Variants in NGEF observed in about 807,000 individuals in gnomAD.
The protein encoded by NGEF is ephexin-1.
NGEF carries 31 observed loss-of-function variants against 80.9 expected under a neutral mutation model. The ratio of observed to expected loss-of-function variants is 0.38; its 90% confidence interval spans 0.29 to 0.52. NGEF has a LOEUF of 0.52. Among genes scored for constraint, NGEF ranks in the 20% least tolerant of loss-of-function variants. The probability of loss-of-function intolerance (pLI) is 0.84; values close to 1 mark genes in which losing one functional copy is unlikely to be tolerated. For synonymous variants in NGEF, 371 were observed against 370.2 expected, an observed-to-expected ratio of 1.00 and a Z score of -0.03; for missense variants, 709 against 926.2, an observed-to-expected ratio of 0.77 and a Z score of 3.04.
At chr2:232,990,573 T>C (rs180714876) in intron 1 of NGEF, among the ~76,000 whole-genome samples, 251 of 152,208 alleles carry the variant, frequency 1.6e-3, no homozygotes, top group African/African-American at 5.7e-3. Flanking sequence ...TTGAGCAATA[T>C]AGATAATAAA....
intron 3 of NGEF, among the ~76,000 whole-genome samples, chr2:232,940,967 A>C (rs2106296581): frequency 6.6e-6 from 1 of 152,348 alleles, no homozygotes; most frequent in East Asian, 1.9e-4. Context: ...ATAGAGAAAG[A>C]GTAATTCACG....
At chr2:232,917,563 G>A (rs988094793) in intron 5 of NGEF, among the ~76,000 whole-genome samples, 19 of 151,576 alleles carry the variant, frequency 1.3e-4, no homozygotes, top group Non-Finnish European at 1.8e-4. Context: ...TCTGCCTCCC[G>A]GGTTCAAGTG....
At chr2:232,900,984 C>A (rs1692336554) in intron 5 of NGEF, among the ~76,000 whole-genome samples, 1 of 152,260 alleles carries the variant, frequency 6.6e-6, no homozygotes, top group Non-Finnish European at 1.5e-5. Context: ...GGGCCGCCTA[C>A]ACCACCCTGT....
intron 5 of NGEF, among the ~76,000 whole-genome samples, chr2:232,915,152 A>T (rs1249999843): frequency 6.6e-6 from 1 of 152,060 alleles, no homozygotes; most frequent in African/African-American, 2.4e-5. Flanking sequence ...TGGGTGCCAC[A>T]TCTTTCCTGT....
chr2:232,925,244 G>A (rs1693035248), intron 4 of NGEF, among the ~76,000 whole-genome samples: 1 of 152,186 alleles, frequency 6.6e-6, no homozygotes, highest in African/African-American at 2.4e-5. Flanking sequence ...ACTTGGCAAA[G>A]AATTGCTGAA....
chr2:232,882,058 C>T, intron 13 of NGEF, 128 bp downstream of exon 13: 1 of 777,708 alleles, frequency 1.3e-6, no homozygotes, highest in Non-Finnish European at 2.1e-6. Context: ...CCCTGGAGGC[C>T]CGTGCAGGCC....
intron 5 of NGEF, among the ~76,000 whole-genome samples, chr2:232,911,141 G>A (rs1692683878): frequency 6.6e-6 from 1 of 152,134 alleles, no homozygotes. Context: ...TTTACATTTA[G>A]ATCCATGATC....
At chr2:232,944,759 A>C (rs1001451643) in intron 3 of NGEF, among the ~76,000 whole-genome samples, 13 of 129,408 alleles carry the variant, frequency 1.0e-4, no homozygotes, top group Admixed American at 7.9e-4. Context: ...ATATATATAT[A>C]TATCTTTTTG....
intron 3 of NGEF, among the ~76,000 whole-genome samples, chr2:232,940,294 C>A (rs1167440204): frequency 1.3e-5 from 2 of 152,218 alleles, no homozygotes; most frequent in African/African-American, 4.8e-5. Context: ...AAAAGCATAT[C>A]AGAAACACAG....
chr2:232,898,748 G>A (rs1692174435), intron 5 of NGEF, among the ~76,000 whole-genome samples: 1 of 152,242 alleles, frequency 6.6e-6, no homozygotes, highest in African/African-American at 2.4e-5. Flanking sequence ...TGGGCACTCG[G>A]CTGTGAACAC....
chr2:232,978,067 C>T (rs539885972), intron 1 of NGEF, among the ~76,000 whole-genome samples: 145 of 151,966 alleles, frequency 9.5e-4, no homozygotes, highest in African/African-American at 3.1e-3. Context: ...GACAGAAATC[C>T]CTAACCGACA....
At chr2:232,985,543 C>G (rs1397656177) in intron 1 of NGEF, among the ~76,000 whole-genome samples, 2 of 151,320 alleles carry the variant, frequency 1.3e-5, no homozygotes, top group Non-Finnish European at 3.0e-5. Flanking sequence ...ACGAGGTCAG[C>G]AGATCGAGAC....
At chr2:232,990,106 A>T (rs1694621647) in intron 1 of NGEF, among the ~76,000 whole-genome samples, 1 of 152,206 alleles carries the variant, frequency 6.6e-6, no homozygotes, top group African/African-American at 2.4e-5. Flanking sequence ...TATCAGGAAG[A>T]AAGCTAAAGT....
chr2:232,913,647 G>T (rs924679811), intron 5 of NGEF, among the ~76,000 whole-genome samples: 1 of 152,100 alleles, frequency 6.6e-6, no homozygotes, highest in Non-Finnish European at 1.5e-5. Context: ...GTAGCCGGGC[G>T]CGGTGACTCA....
intron 4 of NGEF, among the ~76,000 whole-genome samples, chr2:232,925,638 C>T (rs778838805): frequency 2.6e-5 from 4 of 152,162 alleles, no homozygotes; most frequent in Non-Finnish European, 5.9e-5. Flanking sequence ...GGCACGATCT[C>T]CTCCCCAACC....
intron 8 of NGEF, among the ~76,000 whole-genome samples, chr2:232,890,692 C>A (rs1396254497): frequency 6.6e-6 from 1 of 152,186 alleles, no homozygotes; most frequent in Non-Finnish European, 1.5e-5. Flanking sequence ...AATTCCCTGA[C>A]ATCCCTGCCG....
chr2:232,893,548 C>T lies in NGEF; in HGVS notation c.990-498G>A, dbSNP rs371480658. The stretch of plus-strand genomic sequence containing the variant: ...CAGCACTTTGGGAGGCCGAGGCGGG[C>T]GGATCACCTGAGGTCAGGAGTTCGA... On this transcript the variant is annotated intron_variant, in intron 6 of 14. Transcript: ENST00000264051. 2.6e-4 allele frequency among the ~76,000 whole-genome samples: 39 copies of T among 152,142 alleles called. No homozygotes were observed. The East Asian group carries it at 4.6e-3, about 18-fold the overall frequency.
chr2:232,991,772 C>G (rs921185996), intron 1 of NGEF, among the ~76,000 whole-genome samples: 7 of 152,188 alleles, frequency 4.6e-5, no homozygotes, highest in African/African-American at 1.4e-4. Context: ...ATTCAAGAGA[C>G]TCATGCCAAA....
At position 232,948,117 on chromosome 2, in the gene NGEF, G is replaced by A. The variant is rs183419686; in HGVS notation, c.384-20931C>T. ...AAAGACATTTTGAGGACAATTGGGG[G>A]CCATGGGGTCATTTGAATATAGCCT... is the stretch of plus-strand genomic sequence containing the variant. On this transcript the variant is annotated intron_variant, in intron 3 of 14. Coordinates refer to ENST00000264051, the MANE Select transcript of NGEF (RefSeq NM_019850.3). 2.2e-3 allele frequency among the ~76,000 whole-genome samples: 332 copies of A among 151,634 alleles called. 4 individuals carry two copies. Among genetic ancestry groups the A allele is most frequent in the African/African-American group, 7.9e-3 (325 of 41,302 alleles).
Sources: allele counts gnomAD v4.1 joint callset (sites outside exome capture counted in the v4.1 genomes callset), GRCh38; gene constraint gnomAD v4.1.1; transcripts MANE v1.5; gene names NCBI Gene and HGNC (gene_info 2026-07-23, HGNC 2026-07-21).